The following LAMA2 variants were observed in gnomAD, a reference collection of about 807,000 sequenced individuals.
The protein encoded by LAMA2 is laminin subunit alpha-2.
Under a neutral mutation model 364.8 loss-of-function variants are expected in LAMA2, and 269 were observed. The observed-to-expected ratio is 0.74, with a 90% CI of 0.67 to 0.82. The LOEUF (loss-of-function observed/expected upper bound fraction) is 0.82, where lower values mean the gene tolerates loss of function less well. Among genes scored for constraint, LAMA2 ranks in the 40% least tolerant of loss-of-function variants. LAMA2 has a pLI of 0.00. For synonymous variants in LAMA2, 1,379 were observed against 1,370.6 expected (o/e 1.01, Z -0.14); for missense variants, 3,807 against 3,873.2 (o/e 0.98, Z 0.45).
intron 3 of LAMA2, among the ~76,000 whole-genome samples, chr6:129,076,451 T>C (rs1168659662): frequency 7.0e-6 from 1 of 141,962 alleles, no homozygotes; most frequent in African/African-American, 2.6e-5. Flanking sequence ...TATAATATAT[T>C]ATATATAATA....
chr6:129,488,011 T>A lies in LAMA2; in HGVS notation c.7898+1389T>A, dbSNP rs892968835. The stretch of plus-strand genomic sequence containing the variant: ...CCTTTTCATTGCGGAAAGGACTTTT[T>A]AAAAGATTTAAACTTTAGCCGGGCG... On this transcript the variant is annotated intron_variant, in intron 56 of 64. Coordinates refer to ENST00000421865, the MANE Select transcript of LAMA2 (RefSeq NM_000426.4). Among the ~76,000 whole-genome samples the A allele has an allele frequency of 2.0e-5, 3 of 152,190 alleles. No individual in the cohort carries two copies. The South Asian group carries it at 6.2e-4, about 31-fold the overall frequency.
At chr6:129,375,771 C>T (rs1371079771) in intron 34 of LAMA2, among the ~76,000 whole-genome samples, 1 of 152,178 alleles carries the variant, frequency 6.6e-6, no homozygotes, top group African/African-American at 2.4e-5. Context: ...TCAAGGCTGA[C>T]TTCATTCTCA....
chr6:129,507,400 C>G, intron 61 of LAMA2, 89 bp from the exon 62 acceptor site: 1 of 1,369,284 alleles, frequency 7.3e-7, no homozygotes, highest in South Asian at 1.2e-5. Flanking sequence ...TAACTACACA[C>G]ATAGAGCACC....
At chr6:129,174,837 A>AC (rs1239948637) in intron 9 of LAMA2, among the ~76,000 whole-genome samples, 2 of 149,786 alleles carry the variant, frequency 1.3e-5, no homozygotes, top group African/African-American at 5.1e-5. Flanking sequence ...CTACCTACCT[A>AC]CCTACCTACC....
chr6:129,467,543 G>A (rs780258591), intron 51 of LAMA2, among the ~76,000 whole-genome samples: 8 of 151,852 alleles, frequency 5.3e-5, no homozygotes, highest in Admixed American at 1.3e-4. Context: ...AAAGACATTC[G>A]GAACACTAAG....
chr6:129,449,477 T>C (rs62421015), intron 45 of LAMA2, among the ~76,000 whole-genome samples: 23,219 of 152,026 alleles, frequency 0.15, 1,888 homozygotes, highest in East Asian at 0.21. Flanking sequence ...AATTCATTCA[T>C]GAGGACAGAG....
At chr6:129,511,451 A>G (rs975004363) in intron 62 of LAMA2, among the ~76,000 whole-genome samples, 1 of 152,026 alleles carries the variant, frequency 6.6e-6, no homozygotes, top group Non-Finnish European at 1.5e-5. Flanking sequence ...GCTAGCTTTT[A>G]TTCATAAAAT....
intron 12 of LAMA2, among the ~76,000 whole-genome samples, chr6:129,223,864 T>C (rs1467677576): frequency 6.6e-6 from 1 of 152,202 alleles, no homozygotes; most frequent in African/African-American, 2.4e-5. Context: ...AAGTAGTTTT[T>C]TTTCCAATTC....
chr6:129,028,011 G>A (rs1785953707), intron 1 of LAMA2, among the ~76,000 whole-genome samples: 8 of 151,832 alleles, frequency 5.3e-5, no homozygotes, highest in Admixed American at 5.3e-4. Flanking sequence ...CTATAGTAAT[G>A]CACATGAATC....
At chr6:128,993,497 C>T (rs1286397053) in intron 1 of LAMA2, among the ~76,000 whole-genome samples, 2 of 152,150 alleles carry the variant, frequency 1.3e-5, no homozygotes, top group East Asian at 3.9e-4. Flanking sequence ...CATTTCTATT[C>T]TGTCTTTTAT....
At chr6:128,907,888 A>G (rs1225485262) in intron 1 of LAMA2, among the ~76,000 whole-genome samples, 8 of 152,184 alleles carry the variant, frequency 5.3e-5, no homozygotes, top group Non-Finnish European at 1.0e-4. Flanking sequence ...ATCTATTGAG[A>G]TAATCATGTG....
At chr6:129,219,622 A>G (rs1412555361) in intron 12 of LAMA2, among the ~76,000 whole-genome samples, 1 of 147,368 alleles carries the variant, frequency 6.8e-6, no homozygotes, top group Admixed American at 6.9e-5. Context: ...TGTGGCACAT[A>G]TACACCATGG....
At chr6:129,335,015 T>C (rs970070192) in intron 29 of LAMA2, among the ~76,000 whole-genome samples, 1 of 152,174 alleles carries the variant, frequency 6.6e-6, no homozygotes, top group Non-Finnish European at 1.5e-5. Flanking sequence ...CACTCACTTA[T>C]CTTGTTTTTC....
intron 1 of LAMA2, among the ~76,000 whole-genome samples, chr6:128,991,459 A>T (rs2114660839): frequency 6.6e-6 from 1 of 152,278 alleles, no homozygotes; most frequent in Non-Finnish European, 1.5e-5. Flanking sequence ...TGCTTTACAA[A>T]TTTTTCCGAG....
At chr6:129,390,791 GC>G (rs1224307914) in intron 35 of LAMA2, among the ~76,000 whole-genome samples, 1 of 152,070 alleles carries the variant, frequency 6.6e-6, no homozygotes, top group Non-Finnish European at 1.5e-5. Context: ...CAGACTCTTG[GC>G]AGAATAGACA....
At chr6:128,907,641 A>G (rs377544169) in intron 1 of LAMA2, among the ~76,000 whole-genome samples, 10 of 152,028 alleles carry the variant, frequency 6.6e-5, no homozygotes, top group African/African-American at 2.2e-4. Context: ...TCTCCTGCCT[A>G]ATTGCCCTGG....
At chr6:129,270,393 A>G (rs1344673267) in intron 16 of LAMA2, among the ~76,000 whole-genome samples, 1 of 152,006 alleles carries the variant, frequency 6.6e-6, no homozygotes, top group Non-Finnish European at 1.5e-5. Flanking sequence ...ATTAAAATGA[A>G]TTTCAATCAT....
intron 10 of LAMA2, among the ~76,000 whole-genome samples, chr6:129,178,826 T>A (rs1780763023): frequency 6.6e-6 from 1 of 152,048 alleles, no homozygotes; most frequent in South Asian, 2.1e-4. Context: ...ATATTAGTTT[T>A]AATGAAGTGT....
chr6:129,305,080 A>G (rs1472614250), intron 22 of LAMA2, among the ~76,000 whole-genome samples: 2 of 152,190 alleles, frequency 1.3e-5, no homozygotes, highest in Admixed American at 6.5e-5. Flanking sequence ...TTTTATTCAC[A>G]TGTATTTTTG....
Sources: allele counts gnomAD v4.1 joint callset (sites outside exome capture counted in the v4.1 genomes callset), GRCh38; gene constraint gnomAD v4.1.1; transcripts MANE v1.5; gene names NCBI Gene and HGNC (gene_info 2026-07-23, HGNC 2026-07-21).